The following PLAGL1 variants were observed in gnomAD, a reference collection of about 807,000 sequenced individuals.
PLAGL1 encodes zinc finger protein PLAGL1.
Under a neutral mutation model 4.6 loss-of-function variants are expected in PLAGL1, and 1 was observed. That is an observed-to-expected ratio of 0.22 (90% CI 0.08 to 1.03). The LOEUF is 1.03. Among genes scored for constraint, PLAGL1 ranks in the 50% least tolerant of loss-of-function variants. The probability of loss-of-function intolerance (pLI) is 0.58; values close to 1 mark genes in which losing one functional copy is unlikely to be tolerated. For missense variants in PLAGL1, 464 were observed against 570.4 expected, an observed-to-expected ratio of 0.81 and a Z score of 1.90; for synonymous variants, 240 against 237.8, an observed-to-expected ratio of 1.01 and a Z score of -0.08.
At chr6:144,030,936 A>G (rs1359499591) in intron 1 of PLAGL1, among the ~76,000 whole-genome samples, 1 of 152,230 alleles carries the variant, frequency 6.6e-6, no homozygotes, top group East Asian at 1.9e-4. Flanking sequence ...AGGAATCTCC[A>G]CAGTGTTTTC....
rs868533991 is a variant in PLAGL1 at position 143,993,331 on chromosome 6, A to C, written c.-583-8157T>G. Among the ~76,000 whole-genome samples, 378 of 142,328 alleles carry C rather than the reference A, an allele frequency of 2.7e-3. 3 individuals are homozygous for C. The highest frequency in any genetic ancestry group is 7.8e-3 in the African/African-American group (297 of 38,124). The allele number at this position is 142,328 out of a possible 152,430, so 93.4% of individuals were successfully genotyped here. A position where few individuals can be genotyped will look rare whatever the true frequency, so the allele number is the denominator to read the frequency against. ...AACAAAAAAACAAAAAACAAAACAA[A>C]ACACACACACACACACACACACACA... On this transcript the variant is annotated intron_variant, in intron 1 of 7. Coordinates refer to ENST00000674357, the MANE Select transcript of PLAGL1 (RefSeq NM_001317162.2).
In PLAGL1 at chr6:144,055,404, G is replaced by T. The variant is rs1006281332; in HGVS notation, c.-151+9064C>A. On this transcript the variant is annotated intron_variant, in intron 1 of 3. Transcript: ENST00000437412. The surrounding 1 kb of genome is among the most constrained non-coding windows in gnomAD (Gnocchi z 5.0). ...CCACACTGGCATTCTTTAACATGAT[G>T]AATTTTATTATACAGATGAGGCTTA... 2.6e-5 allele frequency among the ~76,000 whole-genome samples: 4 copies of T among 152,192 alleles called. No homozygotes were observed. Among genetic ancestry groups the T allele is most frequent in the Non-Finnish European group, 5.9e-5 (4 of 68,034 alleles).
chr6:143,948,266 G>T lies in PLAGL1; in HGVS notation c.-130C>A. 1.3e-6 allele frequency: 1 copy of T among 761,546 alleles called. No individual in the cohort carries two copies. Among genetic ancestry groups the T allele is most frequent in the Non-Finnish European group, 2.2e-6 (1 of 458,116 alleles). 47.2% of individuals were successfully genotyped at this position (761,546 alleles called of 1,614,324 possible). A position where few individuals can be genotyped will look rare whatever the true frequency, so the allele number is the denominator to read the frequency against. ...AGCTGAACTCCAGACCACGGGAGAG[G>T]CAGCATCGTGGGCCTGGTTCTACCC... On this transcript the variant is annotated 5_prime_UTR_variant, in exon 7 of 8. Transcript: ENST00000674357. The surrounding 1 kb of genome is among the most constrained non-coding windows in gnomAD (Gnocchi z 6.0).
rs558494335 is a variant in PLAGL1, at chr6:143,950,455, G to A, written c.-324-1995C>T. Among the ~76,000 whole-genome samples, 1 of 152,226 alleles carries A rather than the reference G, an allele frequency of 6.6e-6. No individual in the cohort carries two copies. ...TTTGCTCTGCTAGGTATCATGATCT[G>A]TTCTACTTCTCACCCAGCCTAAGTT... is the stretch of plus-strand genomic sequence containing the variant. On this transcript the variant is annotated intron_variant, in intron 6 of 7. Transcript: ENST00000674357. This position sits in a 1 kb window ranked among gnomAD's most constrained non-coding sequence, Gnocchi z 6.3.
rs902015137 is a variant in PLAGL1, at chr6:143,989,482, C to A, written c.-583-4308G>T. On this transcript the variant is annotated intron_variant, in intron 1 of 7. Transcript: ENST00000674357. This position sits in a 1 kb window ranked among gnomAD's most constrained non-coding sequence, Gnocchi z 4.8. ...AAAGGTGGAAGGAGGAGGAATTCACCCCCTTTTCTTCCTGCCTGCCTGAGC... is the reference window on the plus strand; with the variant it reads ...AAAGGTGGAAGGAGGAGGAATTCACACCCTTTTCTTCCTGCCTGCCTGAGC... 6.6e-6 allele frequency among the ~76,000 whole-genome samples: 1 copy of A among 152,150 alleles called. No homozygotes were observed. Among genetic ancestry groups the A allele is most frequent in the South Asian group, 2.1e-4 (1 of 4,812 alleles).
chr6:144,050,051 CA>C lies in PLAGL1; in HGVS notation c.-151+14416del, dbSNP rs565403492. Among the ~76,000 whole-genome samples the C allele has an allele frequency of 5.5e-4, 84 of 152,128 alleles. No homozygotes were observed. The highest frequency in any genetic ancestry group is 9.9e-4 in the Non-Finnish European group (67 of 67,982). On this transcript the variant is annotated intron_variant, in intron 1 of 3. Transcript: ENST00000437412. This position sits in a 1 kb window ranked among gnomAD's most constrained non-coding sequence, Gnocchi z 4.3. ...GGGTGAATGGGAGGGAAGCCATTCACAATTTAGAGCCTCGGCTTTTTGAATG... is the reference window on the plus strand; with the variant it reads ...GGGTGAATGGGAGGGAAGCCATTCACATTTAGAGCCTCGGCTTTTTGAATG...
At chr6:143,956,597 A>G (rs1257666333) in intron 6 of PLAGL1, among the ~76,000 whole-genome samples, 1 of 152,232 alleles carries the variant, frequency 6.6e-6, no homozygotes, top group African/African-American at 2.4e-5. Flanking sequence ...CTACTAGAAG[A>G]AGGTAGGCTT....
chr6:143,941,255 T>C lies in PLAGL1; in HGVS notation c.*169A>G, dbSNP rs1293172598. The C allele has an allele frequency of 1.5e-5, 8 of 528,258 alleles. No homozygotes were observed. Among genetic ancestry groups the C allele is most frequent in the Non-Finnish European group, 2.3e-5 (7 of 308,390 alleles). 32.7% of individuals were successfully genotyped at this position (528,258 alleles called of 1,614,324 possible). The stretch of plus-strand genomic sequence containing the variant: ...ACAAAGCATGAACACTCAGGACAGA[T>C]TGGCACAATACATGCAGTTCGAGAA... On this transcript the variant is annotated 3_prime_UTR_variant, in exon 8 of 8. Transcript: ENST00000674357. The surrounding 1 kb of genome is among the most constrained non-coding windows in gnomAD (Gnocchi z 6.0).
In PLAGL1 at chr6:144,027,599, A is replaced by T. The variant is rs1796463941; in HGVS notation, c.-151+36869T>A. 6.6e-6 allele frequency among the ~76,000 whole-genome samples: 1 copy of T among 152,158 alleles called. No individual in the cohort carries two copies. Among genetic ancestry groups the T allele is most frequent in the African/African-American group, 2.4e-5 (1 of 41,430 alleles). On this transcript the variant is annotated intron_variant, in intron 1 of 3. Coordinates refer to the PLAGL1 transcript ENST00000437412. This position sits in a 1 kb window ranked among gnomAD's most constrained non-coding sequence, Gnocchi z 5.8. The stretch of plus-strand genomic sequence containing the variant: ...TGCACCCATGGAAAAGAACCTATAA[A>T]AGCACCACAGTCAAATTCTAAGACT...
In PLAGL1 at chr6:143,972,055, T is replaced by C. The variant is rs1416220453; in HGVS notation, c.-543-3077A>G. ...AATAGTTCTCTGCAGAGGAAGAATT[T>C]TAAAAAGCAATAGCAACAATCAGGT... On this transcript the variant is annotated intron_variant, in intron 2 of 7. Coordinates refer to ENST00000674357, the MANE Select transcript of PLAGL1 (RefSeq NM_001317162.2). The surrounding 1 kb of genome is among the most constrained non-coding windows in gnomAD (Gnocchi z 6.8). 6.6e-6 allele frequency among the ~76,000 whole-genome samples: 1 copy of C among 152,188 alleles called. No homozygotes were observed. Among genetic ancestry groups the C allele is most frequent in the Non-Finnish European group, 1.5e-5 (1 of 68,022 alleles).
At position 144,064,507 on chromosome 6, in the gene PLAGL1, C is replaced by T. The variant is rs1173512043; in HGVS notation, c.-190G>A. The T allele has an allele frequency of 2.6e-5, 4 of 152,150 alleles. No individual in the cohort carries two copies. Among genetic ancestry groups the T allele is most frequent in the Non-Finnish European group, 5.9e-5 (4 of 68,124 alleles). 9.4% of individuals were successfully genotyped at this position (152,150 alleles called of 1,614,324 possible). On this transcript the variant is annotated 5_prime_UTR_variant, in exon 1 of 4. Transcript: ENST00000437412. This position sits in a 1 kb window ranked among gnomAD's most constrained non-coding sequence, Gnocchi z 6.8. The stretch of plus-strand genomic sequence containing the variant: ...CCCCCGCTTGGAAAGTTCTGGAGTC[C>T]GGAGCCCGTGGCCCACTGGGTCAGC...
chr6:144,045,745 G>T (rs994994770), intron 1 of PLAGL1, among the ~76,000 whole-genome samples: 3 of 152,170 alleles, frequency 2.0e-5, no homozygotes, highest in African/African-American at 7.2e-5. Flanking sequence ...GCCTTGCTAG[G>T]TTGGGGAAGT....
chr6:144,002,633 A>C, intron 1 of PLAGL1, among the ~76,000 whole-genome samples: 1 of 152,160 alleles, frequency 6.6e-6, no homozygotes, highest in East Asian at 1.9e-4. Flanking sequence ...TACACTAGGC[A>C]AGATGTTTGG....
rs1283021454 is a variant in PLAGL1, at chr6:143,978,438, A to G, written c.-544+6697T>C. On this transcript the variant is annotated intron_variant, in intron 2 of 7. Transcript: ENST00000674357. This position sits in a 1 kb window ranked among gnomAD's most constrained non-coding sequence, Gnocchi z 4.6. Reference sequence around the variant, plus strand: ...TTTCTTTGATCCATGGGTTATTTAGAAGCATACTGTTTAATTTCCAAATAT... The same window carrying G: ...TTTCTTTGATCCATGGGTTATTTAGGAGCATACTGTTTAATTTCCAAATAT... 6.6e-6 allele frequency among the ~76,000 whole-genome samples: 1 copy of G among 152,182 alleles called. No homozygotes were observed. The highest frequency in any genetic ancestry group is 2.4e-5 in the African/African-American group (1 of 41,448).
At position 144,013,610 on chromosome 6, in the gene PLAGL1, T is replaced by C. The variant is rs927132328; in HGVS notation, c.-150-44632A>G. ...AAGGCCGCAGGCGCCATCTAGTGGC[T>C]CTAGTGGAGATTCCTTCCTCACAAC... On this transcript the variant is annotated intron_variant, in intron 1 of 3. Transcript: ENST00000437412. The surrounding 1 kb of genome is among the most constrained non-coding windows in gnomAD (Gnocchi z 4.4). 6.6e-6 allele frequency among the ~76,000 whole-genome samples: 1 copy of C among 152,236 alleles called. No individual in the cohort carries two copies. The highest frequency in any genetic ancestry group is 1.5e-5 in the Non-Finnish European group (1 of 68,042).
At chr6:144,033,700 T>G (rs776688272) in intron 1 of PLAGL1, among the ~76,000 whole-genome samples, 1 of 152,232 alleles carries the variant, frequency 6.6e-6, no homozygotes, top group Non-Finnish European at 1.5e-5. Context: ...AGTTTAGAAC[T>G]GATCAGGTAA....
At chr6:144,013,403 G>A (rs1157278279), upstream of PLAGL1, among the ~76,000 whole-genome samples, 1 of 152,122 alleles carries the variant, frequency 6.6e-6, no homozygotes, top group Non-Finnish European at 1.5e-5. This position sits in a 1 kb window ranked among gnomAD's most constrained non-coding sequence, Gnocchi z 4.4. Flanking sequence ...AAGAGCATTT[G>A]ACAACTACAC....
intron 1 of PLAGL1, among the ~76,000 whole-genome samples, chr6:144,032,843 T>C (rs1378043795): frequency 6.6e-6 from 1 of 152,184 alleles, no homozygotes; most frequent in Non-Finnish European, 1.5e-5. Context: ...ATGCCCAGCC[T>C]ACCTAGTTCA....
In PLAGL1 at chr6:144,056,314, T is replaced by G. The variant is rs1798962130; in HGVS notation, c.-151+8154A>C. On this transcript the variant is annotated intron_variant, in intron 1 of 3. Coordinates refer to the PLAGL1 transcript ENST00000437412. This position sits in a 1 kb window ranked among gnomAD's most constrained non-coding sequence, Gnocchi z 4.7. ...AGGATGGCGCATTTGTTCCAACTGT[T>G]CAATCCACACTGACACACCATTATC... Among the ~76,000 whole-genome samples, 1 of 152,208 alleles carries G rather than the reference T, an allele frequency of 6.6e-6. No homozygotes were observed. The highest frequency in any genetic ancestry group is 2.4e-5 in the African/African-American group (1 of 41,452).
Sources: allele counts gnomAD v4.1 joint callset (sites outside exome capture counted in the v4.1 genomes callset), GRCh38; gene constraint gnomAD v4.1.1; non-coding constraint Gnocchi (gnomAD v3.1); transcripts MANE v1.5; gene names NCBI Gene and HGNC (gene_info 2026-07-23, HGNC 2026-07-21).